Variants in KALRN observed in about 807,000 individuals in gnomAD.
The protein encoded by KALRN is kalirin RhoGEF kinase.
In KALRN, 70 loss-of-function variants were observed where a neutral mutation model predicts 353.7. The ratio of observed to expected loss-of-function variants is 0.20; its 90% confidence interval spans 0.16 to 0.24. KALRN has a LOEUF of 0.24. KALRN is among the 10% of genes least tolerant of loss of function. The probability of loss-of-function intolerance (pLI) is 1.00; values close to 1 mark genes in which losing one functional copy is unlikely to be tolerated. For missense variants in KALRN, 2,791 were observed against 3,756.7 expected (o/e 0.74, Z 6.72); for synonymous variants, 1,391 against 1,434.8 (o/e 0.97, Z 0.69).
At chr3:124,403,131 C>T (rs1481075328) in intron 13 of KALRN, among the ~76,000 whole-genome samples, 1 of 152,200 alleles carries the variant, frequency 6.6e-6, no homozygotes, top group Non-Finnish European at 1.5e-5. Flanking sequence ...CCTACCTTCC[C>T]CCCTTCCCCG....
At chr3:124,456,001 T>TA (rs2059275537) in intron 22 of KALRN, among the ~76,000 whole-genome samples, 1 of 152,186 alleles carries the variant, frequency 6.6e-6, no homozygotes, top group African/African-American at 2.4e-5. Context: ...CCAAACTACC[T>TA]AAAGTTGAGA....
intron 10 of KALRN, among the ~76,000 whole-genome samples, chr3:124,370,781 T>G (rs778441776): frequency 3.3e-5 from 5 of 152,200 alleles, no homozygotes; most frequent in Non-Finnish European, 7.3e-5. Flanking sequence ...AGTGGAAAAT[T>G]TGCTCTACTT....
chr3:124,330,104 G>A (rs2080353648), intron 8 of KALRN, 112 bp downstream of exon 8: 2 of 1,175,900 alleles, frequency 1.7e-6, no homozygotes, highest in Non-Finnish European at 2.3e-6. Flanking sequence ...AAGAAGAAGA[G>A]GCTGTTTTTC....
At chr3:124,347,026 C>A in intron 9 of KALRN, 117 bp from the exon 10 acceptor site, 1 of 1,478,068 alleles carries the variant, frequency 6.8e-7, no homozygotes, top group Non-Finnish European at 9.2e-7. Context: ...ACCTGAACTG[C>A]TGCTTTACAA....
At chr3:124,421,235 AG>A (rs1220246983) in intron 14 of KALRN, among the ~76,000 whole-genome samples, 3 of 152,210 alleles carry the variant, frequency 2.0e-5, no homozygotes, top group African/African-American at 4.8e-5. Context: ...GATCTGAACA[AG>A]GCCGAATAAG....
intron 9 of KALRN, among the ~76,000 whole-genome samples, chr3:124,346,099 A>G (rs1337499867): frequency 6.6e-6 from 1 of 152,228 alleles, no homozygotes; most frequent in Non-Finnish European, 1.5e-5. Flanking sequence ...AGCAGGATCT[A>G]TAACAGGTGT....
intron 34 of KALRN, among the ~76,000 whole-genome samples, chr3:124,597,327 A>C (rs2076363944): frequency 6.6e-6 from 1 of 151,218 alleles, no homozygotes; most frequent in South Asian, 2.1e-4. Flanking sequence ...TGAAACAGTG[A>C]TAACAAAAAG....
intron 1 of KALRN, among the ~76,000 whole-genome samples, chr3:124,090,047 C>A (rs1248708664): frequency 6.6e-6 from 1 of 152,064 alleles, no homozygotes; most frequent in Non-Finnish European, 1.5e-5. Context: ...GGGCATGGGG[C>A]CCAGGGTAGA....
intron 1 of KALRN, among the ~76,000 whole-genome samples, chr3:124,188,956 C>T (rs1241687098): frequency 6.6e-6 from 1 of 152,156 alleles, no homozygotes; most frequent in African/African-American, 2.4e-5. Context: ...TAGGAAATTC[C>T]AGTTTTTACA....
intron 8 of KALRN, among the ~76,000 whole-genome samples, chr3:124,330,600 G>T (rs2080450539): frequency 6.6e-6 from 1 of 152,016 alleles, no homozygotes; most frequent in Admixed American, 6.5e-5. Flanking sequence ...AGTTAAGAAA[G>T]GGAAAAAACC....
intron 1 of KALRN, among the ~76,000 whole-genome samples, chr3:124,123,029 A>T (rs778305862): frequency 5.3e-5 from 8 of 152,074 alleles, no homozygotes; most frequent in Middle Eastern, 3.2e-3. Context: ...GATGAAACCC[A>T]GTCTCTACAA....
intron 37 of KALRN, among the ~76,000 whole-genome samples, chr3:124,643,478 T>C (rs111489751): frequency 0.015 from 2,298 of 152,246 alleles, 55 homozygotes; most frequent in African/African-American, 0.052. Context: ...ACTTAAGGAT[T>C]TTGTTGTTGT....
rs570476238 is a variant in KALRN at position 124,610,789 on chromosome 3, T to A, written c.5183-21631T>A. On this transcript the variant is annotated intron_variant, in intron 34 of 59. Transcript: ENST00000682506. ...ACTTTGGGAGGCTGAGGCAGGAGGA[T>A]GGCTGGAGCCTAGGAATTTGAGATT... Among the ~76,000 whole-genome samples, 52 of 152,026 alleles carry A rather than the reference T, an allele frequency of 3.4e-4. 1 individual carries two copies. Among genetic ancestry groups the A allele is most frequent in the African/African-American group, 1.2e-3 (50 of 41,454 alleles).
At chr3:124,572,333 A>AG (rs369995427) in intron 34 of KALRN, among the ~76,000 whole-genome samples, 4 of 151,430 alleles carry the variant, frequency 2.6e-5, no homozygotes, top group African/African-American at 9.7e-5. Context: ...TCAAAAAAAA[A>AG]CAAAAAACAA....
In KALRN at chr3:124,474,750, C is replaced by T. The variant is rs2061281781; in HGVS notation, c.4101+18C>T. On this transcript the variant is annotated intron_variant, in intron 26 of 59. Coordinates refer to ENST00000682506, the MANE Select transcript of KALRN (RefSeq NM_001388419.1). Reference sequence around the variant, plus strand: ...TTACCTGGGTAACCAACCTGAAATCCTTCTCCCACTGCCCATACACATGGC... The same window carrying T: ...TTACCTGGGTAACCAACCTGAAATCTTTCTCCCACTGCCCATACACATGGC... 1 of 1,599,776 alleles carries T rather than the reference C, an allele frequency of 6.3e-7. No individual in the cohort carries two copies. The highest frequency in any genetic ancestry group is 1.1e-5 in the South Asian group (1 of 90,798).
rs74395055 is a variant in KALRN, at chr3:124,137,833, A to G, written c.74-90157A>G. Among the ~76,000 whole-genome samples, 107 of 152,200 alleles carry G rather than the reference A, an allele frequency of 7.0e-4. No individual in the cohort carries two copies. In the South Asian group the frequency reaches 0.014, roughly 20 times the overall value. ...GGGTCGGATGCAGGGAGATGGCTGA[A>G]ATGGCCATCTGAATGTAATAGTGTC... On this transcript the variant is annotated intron_variant, in intron 1 of 59. Coordinates refer to ENST00000682506, the MANE Select transcript of KALRN (RefSeq NM_001388419.1).
intron 32 of KALRN, among the ~76,000 whole-genome samples, chr3:124,495,729 TAAAAAAAAA>T (rs1170201040): frequency 1.5e-5 from 1 of 68,240 alleles, no homozygotes; most frequent in Non-Finnish European, 2.6e-5. Flanking sequence ...GACTCCATCT[TAAAAAAAAA>T]AAAAAAAAAA....
At chr3:124,518,435 T>C (rs771958297) in intron 33 of KALRN, 2 of 1,614,198 alleles carry the variant, frequency 1.2e-6, no homozygotes, top group South Asian at 1.1e-5. Context: ...ACCTGGGACC[T>C]GGAGATCCTT....
At chr3:124,348,299 T>G (rs1418883137) in intron 10 of KALRN, among the ~76,000 whole-genome samples, 1 of 152,206 alleles carries the variant, frequency 6.6e-6, no homozygotes, top group Non-Finnish European at 1.5e-5. Flanking sequence ...TGGGCCCTAC[T>G]TTGGGCATTG....
Sources: gnomAD v4.1 joint callset for allele counts (sites outside exome capture counted in the v4.1 genomes callset) on GRCh38, gnomAD v4.1.1 for gene constraint, MANE v1.5 for transcripts, NCBI Gene and HGNC (gene_info 2026-07-23, HGNC 2026-07-21) for gene names.